TMEM17: variants seen among roughly 807,000 people sequenced by gnomAD.
TMEM17 encodes transmembrane protein 17.
Under a neutral mutation model 19.1 loss-of-function variants are expected in TMEM17, and 15 were observed. The ratio of observed to expected loss-of-function variants is 0.78; its 90% CI spans 0.52 to 1.21. The LOEUF is 1.21. TMEM17 is among the 50% of genes most tolerant of loss of function. The pLI is 0.00. For missense variants in TMEM17, 245 were observed against 242.3 expected (o/e 1.01, Z -0.07); for synonymous variants, 103 against 86.9 (o/e 1.19, Z -1.03).
chr2:62,482,571 T>C, the TMEM17 span, among the ~76,000 whole-genome samples: 1 of 152,168 alleles, frequency 6.6e-6, no homozygotes, highest in South Asian at 2.1e-4. Context: ...AGTCAGAACA[T>C]CTTATTCTGT....
At chr2:62,481,530 G>A in the TMEM17 span, among the ~76,000 whole-genome samples, 1 of 152,122 alleles carries the variant, frequency 6.6e-6, no homozygotes, top group Non-Finnish European at 1.5e-5. Flanking sequence ...AAAAAAACTT[G>A]CCGCTATTCC....
intron 2 of TMEM17, 38 bp from the exon 3 acceptor site, chr2:62,502,588 G>T: frequency 6.7e-7 from 1 of 1,485,900 alleles, no homozygotes; most frequent in Non-Finnish European, 9.2e-7. Context: ...AAAATCTCAT[G>T]TATAGTAACA....
the TMEM17 span, among the ~76,000 whole-genome samples, chr2:62,481,482 G>C: frequency 6.6e-6 from 1 of 152,070 alleles, no homozygotes; most frequent in Non-Finnish European, 1.5e-5. Flanking sequence ...AATAAGAGTG[G>C]TGAGAGTAGG....
At chr2:62,479,376 A>G in the TMEM17 span, among the ~76,000 whole-genome samples, 1 of 152,212 alleles carries the variant, frequency 6.6e-6, no homozygotes, top group Non-Finnish European at 1.5e-5. Context: ...CTCCAGTTCC[A>G]TCCATGTTGC....
chr2:62,462,035 C>G, the TMEM17 span, among the ~76,000 whole-genome samples: 1 of 152,352 alleles, frequency 6.6e-6, no homozygotes, highest in Middle Eastern at 3.4e-3. Context: ...AAACTGAAGT[C>G]TGCAGCTGGC....
the TMEM17 span, among the ~76,000 whole-genome samples, chr2:62,493,317 G>A: frequency 1.3e-5 from 2 of 152,078 alleles, no homozygotes; most frequent in African/African-American, 4.8e-5. Context: ...CATGAGCCAC[G>A]ATGCCCAGCC....
chr2:62,479,035 G>A, the TMEM17 span, among the ~76,000 whole-genome samples: 4 of 152,332 alleles, frequency 2.6e-5, no homozygotes, highest in South Asian at 6.2e-4. Context: ...ATTAGCATAT[G>A]CGTCATCTCA....
the TMEM17 span, among the ~76,000 whole-genome samples, chr2:62,471,937 C>G: frequency 7.5e-4 from 115 of 152,340 alleles, 1 homozygote; most frequent in African/African-American, 2.6e-3. Flanking sequence ...CATTAACGTG[C>G]CTTTATCTAT....
the TMEM17 span, among the ~76,000 whole-genome samples, chr2:62,485,383 T>C: frequency 3.3e-5 from 5 of 152,254 alleles, no homozygotes; most frequent in Non-Finnish European, 7.3e-5. Flanking sequence ...CCTGCTTGTA[T>C]ATGTATTATC....
the TMEM17 span, among the ~76,000 whole-genome samples, chr2:62,462,970 C>A: frequency 1.1e-4 from 17 of 152,280 alleles, no homozygotes; most frequent in African/African-American, 3.4e-4. Context: ...TCCTTGTGAC[C>A]TTGTGGGCTG....
chr2:62,501,283 G>A lies in TMEM17; in HGVS notation c.523C>T (p.Leu175Phe). The change falls in exon 4 of 4, where the codon CTC (leucine) becomes TTC (phenylalanine). Residue 175 changes from leucine to phenylalanine, a missense_variant. Coordinates refer to ENST00000335390, the MANE Select transcript of TMEM17 (RefSeq NM_198276.3). ...GCAGAGAGCCGGTCAAAGTCTTGGAGGTGGAAACGAACTGCCAACTGATTA... is the reference window on the plus strand; with the variant it reads ...GCAGAGAGCCGGTCAAAGTCTTGGAAGTGGAAACGAACTGCCAACTGATTA... The part of the protein sequence containing the change: ...MVNQLAVRFH[L>F]QDFDRLSANR... 6.2e-7 allele frequency: 1 copy of A among 1,614,184 alleles called. No homozygotes were observed.
chr2:62,471,152 A>T, the TMEM17 span, among the ~76,000 whole-genome samples: 1 of 152,182 alleles, frequency 6.6e-6, no homozygotes, highest in Non-Finnish European at 1.5e-5. Flanking sequence ...ACTAGTCTTT[A>T]TTAGGCACTT....
chr2:62,498,601 A>T (rs1360975515), downstream of TMEM17, among the ~76,000 whole-genome samples: 1 of 143,976 alleles, frequency 6.9e-6, no homozygotes, highest in Non-Finnish European at 1.5e-5. Flanking sequence ...CTGTAGTCCC[A>T]GCTACTTGGG....
the TMEM17 span, among the ~76,000 whole-genome samples, chr2:62,459,319 C>T: frequency 2.0e-5 from 3 of 152,230 alleles, no homozygotes; most frequent in South Asian, 2.1e-4. Flanking sequence ...CCCTTACTTA[C>T]GTCACTGAAA....
downstream of TMEM17, among the ~76,000 whole-genome samples, chr2:62,498,933 A>C (rs13388903): frequency 0.13 from 19,827 of 152,076 alleles, 1,420 homozygotes; most frequent in East Asian, 0.29. Context: ...TGACATGTTA[A>C]TATCTCCTCT....
the TMEM17 span, among the ~76,000 whole-genome samples, chr2:62,471,621 G>T: frequency 1.3e-5 from 2 of 152,242 alleles, no homozygotes; most frequent in Non-Finnish European, 2.9e-5. Context: ...GAATTCAGCA[G>T]GTGCTCAATA....
the TMEM17 span, among the ~76,000 whole-genome samples, chr2:62,494,184 G>C: frequency 6.6e-6 from 1 of 152,170 alleles, no homozygotes; most frequent in Non-Finnish European, 1.5e-5. Context: ...TATTGTTGTA[G>C]CTAATTAAAT....
At chr2:62,481,738 A>AG in the TMEM17 span, among the ~76,000 whole-genome samples, 1 of 77,128 alleles carries the variant, frequency 1.3e-5, no homozygotes, top group Non-Finnish European at 2.8e-5. Context: ...TGTGTGTGTA[A>AG]GGGGGGAGCA....
At chr2:62,456,805 ACT>A in the TMEM17 span, among the ~76,000 whole-genome samples, 1 of 152,094 alleles carries the variant, frequency 6.6e-6, no homozygotes, top group Non-Finnish European at 1.5e-5. Context: ...CTTTCTTCTG[ACT>A]CATCTCCTTT....
Sources: allele counts gnomAD v4.1 joint callset (sites outside exome capture counted in the v4.1 genomes callset), GRCh38; gene constraint gnomAD v4.1.1; transcripts MANE v1.5; gene names NCBI Gene and HGNC (gene_info 2026-07-23, HGNC 2026-07-21).